The following ANKRD44 variants were observed in gnomAD, a reference collection of about 807,000 sequenced individuals.
ANKRD44 encodes serine/threonine-protein phosphatase 6 regulatory ankyrin repeat subunit B.
In ANKRD44, 35 loss-of-function variants were observed where a neutral mutation model predicts 116.0. The ratio of observed to expected loss-of-function variants is 0.30; its 90% CI spans 0.23 to 0.40. The LOEUF is 0.40. Ranked by LOEUF, ANKRD44 falls within the 10% of genes least tolerant of loss-of-function variation. The pLI, the probability that ANKRD44 is intolerant of heterozygous loss-of-function variation, is 1.00. For missense variants in ANKRD44, 1,014 were observed against 1,242.6 expected, an observed-to-expected ratio of 0.82 and a Z score of 2.77; for synonymous variants, 435 against 461.8, an observed-to-expected ratio of 0.94 and a Z score of 0.74.
intron 8 of ANKRD44, among the ~76,000 whole-genome samples, chr2:197,120,344 T>C (rs2078823595): frequency 6.6e-6 from 1 of 152,152 alleles, no homozygotes; most frequent in African/African-American, 2.4e-5. Context: ...AGCCACTATC[T>C]GGGGTTTGCT....
At chr2:196,974,020 A>G (rs1307903007) in intron 21 of ANKRD44, among the ~76,000 whole-genome samples, 1 of 152,208 alleles carries the variant, frequency 6.6e-6, no homozygotes, top group Admixed American at 6.5e-5. Flanking sequence ...TGAAAGTAGA[A>G]ATCAGTACGA....
chr2:196,975,757 C>T (rs1027234072), intron 21 of ANKRD44, among the ~76,000 whole-genome samples: 30 of 142,048 alleles, frequency 2.1e-4, no homozygotes, highest in African/African-American at 7.1e-4. Context: ...AACTGCACTC[C>T]AGCCTGGGTG....
At chr2:197,169,075 ACTTC>A (rs1445000015) in intron 2 of ANKRD44, among the ~76,000 whole-genome samples, 1 of 151,616 alleles carries the variant, frequency 6.6e-6, no homozygotes, top group Non-Finnish European at 1.5e-5. Context: ...CTCCTCTCCA[ACTTC>A]CTTTTCTACC....
intron 16 of ANKRD44, among the ~76,000 whole-genome samples, chr2:197,052,816 T>C (rs1218981666): frequency 6.6e-6 from 1 of 152,218 alleles, no homozygotes; most frequent in Non-Finnish European, 1.5e-5. Context: ...GCCCCACTCC[T>C]AATAATCTAA....
chr2:197,064,021 G>A (rs1380908620), intron 16 of ANKRD44, among the ~76,000 whole-genome samples: 2 of 152,154 alleles, frequency 1.3e-5, no homozygotes, highest in African/African-American at 4.8e-5. Flanking sequence ...AAGATGAAAT[G>A]AAGGAAAAAA....
chr2:197,158,124 A>C (rs1192823264), intron 2 of ANKRD44, among the ~76,000 whole-genome samples: 1 of 152,204 alleles, frequency 6.6e-6, no homozygotes, highest in Non-Finnish European at 1.5e-5. Flanking sequence ...AAACAGGAAT[A>C]TACAACCACC....
At chr2:197,171,705 G>A (rs940083664) in intron 2 of ANKRD44, among the ~76,000 whole-genome samples, 2 of 152,060 alleles carry the variant, frequency 1.3e-5, no homozygotes, top group Admixed American at 6.5e-5. Context: ...GTCAAGTGTC[G>A]GTTTGTCATG....
intron 4 of ANKRD44, among the ~76,000 whole-genome samples, chr2:197,130,631 C>T (rs572385722): frequency 2.0e-5 from 3 of 152,296 alleles, no homozygotes; most frequent in South Asian, 4.1e-4. Flanking sequence ...TTATAAAATG[C>T]TTACTTTCTT....
chr2:197,281,021 C>CTT (rs756104112), intron 1 of ANKRD44, among the ~76,000 whole-genome samples: 3 of 146,874 alleles, frequency 2.0e-5, no homozygotes, highest in Non-Finnish European at 3.0e-5. Flanking sequence ...TTAAGCTCTG[C>CTT]TTTTTTTTTT....
intron 16 of ANKRD44, chr2:197,028,839 C>T (rs376415678): frequency 2.0e-5 from 4 of 201,644 alleles, no homozygotes; most frequent in East Asian, 1.6e-4. Context: ...CACCAACTGT[C>T]ATTTTTTTCC....
rs1471093472 is a variant in ANKRD44 at position 197,256,793 on chromosome 2, C to T, written c.27+53785G>A. Among the ~76,000 whole-genome samples, 3 of 152,154 alleles carry T rather than the reference C, an allele frequency of 2.0e-5. No homozygotes were observed. The East Asian group carries it at 5.8e-4, about 29-fold the overall frequency. On this transcript the variant is annotated intron_variant, in intron 1 of 27. Transcript: ENST00000282272. ...CAAGAGGCTCGTATCCTAAGCTAAT[C>T]GCTCCTGTGCAATGGGAGGCAGCCA...
chr2:196,979,554 C>CCTTTTTTTTTTTTTTTT (rs2075785197), intron 21 of ANKRD44, among the ~76,000 whole-genome samples: 24 of 59,646 alleles, frequency 4.0e-4, no homozygotes, highest in African/African-American at 1.2e-3. Context: ...AATAAGATGA[C>CCTTTTTTTTTTTTTTTT]TTTTTTTTTT....
Position 197,121,410 on chromosome 2 carries a change from C to T in ANKRD44, c.828G>A (p.Leu276=), listed in dbSNP as rs2078850088. 6.2e-7 allele frequency: 1 copy of T among 1,614,042 alleles called. No individual in the cohort carries two copies. The highest frequency in any genetic ancestry group is 1.3e-5 in the African/African-American group (1 of 74,904). The change falls in exon 8 of 28, where the codon TTG becomes TTA. Residue 276 remains leucine (L), a synonymous_variant. Coordinates refer to ENST00000282272, the MANE Select transcript of ANKRD44 (RefSeq NM_001195144.2). ...CATGAGTGGAGGCAGCAGCAAAATGCAAAGGGGTGAACCCATTATTGTTTG... is the reference window on the plus strand; with the variant it reads ...CATGAGTGGAGGCAGCAGCAAAATGTAAAGGGGTGAACCCATTATTGTTTG... ...NQPNNNGFTP[L]HFAAASTHGA... is the part of the protein sequence containing the mutation.
chr2:197,305,967 T>TATATATATATATATATATA (rs2084057380), intron 1 of ANKRD44, among the ~76,000 whole-genome samples: 1 of 124,736 alleles, frequency 8.0e-6, no homozygotes, highest in African/African-American at 3.6e-5. Context: ...GCAGTTCGTT[T>TATATATATATATATATATA]TATATATATA....
intron 21 of ANKRD44, among the ~76,000 whole-genome samples, chr2:196,972,607 A>G (rs757230912): frequency 6.6e-6 from 1 of 152,236 alleles, no homozygotes; most frequent in Non-Finnish European, 1.5e-5. Flanking sequence ...TTTAGCTTGA[A>G]TTTACAGCAA....
intron 1 of ANKRD44, among the ~76,000 whole-genome samples, chr2:197,291,399 A>G (rs1000003559): frequency 6.6e-6 from 1 of 152,106 alleles, no homozygotes; most frequent in African/African-American, 2.4e-5. Context: ...AATTCCAGCT[A>G]CTTGGGAGGC....
At chr2:197,124,345 A>G (rs2078928448) in intron 6 of ANKRD44, among the ~76,000 whole-genome samples, 2 of 152,224 alleles carry the variant, frequency 1.3e-5, no homozygotes, top group African/African-American at 4.8e-5. Flanking sequence ...GCTTGTTAAA[A>G]AGGATTCAGA....
At chr2:197,161,345 T>A (rs1399408822) in intron 2 of ANKRD44, among the ~76,000 whole-genome samples, 3 of 152,120 alleles carry the variant, frequency 2.0e-5, no homozygotes, top group Non-Finnish European at 4.4e-5. Flanking sequence ...TTAGCCTTCA[T>A]AAACTTGGGC....
intron 1 of ANKRD44, among the ~76,000 whole-genome samples, chr2:197,258,842 T>C (rs575622234): frequency 7.9e-5 from 12 of 152,246 alleles, no homozygotes; most frequent in Non-Finnish European, 1.3e-4. Context: ...GATCAGTGAT[T>C]GCTCCATTTT....
Sources: allele counts gnomAD v4.1 joint callset (sites outside exome capture counted in the v4.1 genomes callset), GRCh38; gene constraint gnomAD v4.1.1; transcripts MANE v1.5; gene names NCBI Gene and HGNC (gene_info 2026-07-23, HGNC 2026-07-21).